Variants in ELMO1 observed in about 807,000 individuals in gnomAD.
The protein encoded by ELMO1 is engulfment and cell motility protein 1.
In ELMO1, 26 loss-of-function variants were observed where a neutral mutation model predicts 98.9. The observed-to-expected ratio is 0.26, with a 90% CI of 0.19 to 0.36. The LOEUF (loss-of-function observed/expected upper bound fraction) is 0.36, where lower values mean the gene tolerates loss of function less well. ELMO1 is among the 10% of genes least tolerant of loss of function. ELMO1 has a pLI of 1.00. For missense variants in ELMO1, 627 were observed against 935.2 expected (o/e 0.67, Z 4.30); for synonymous variants, 346 against 346.0 (o/e 1.00, Z 0.00).
At chr7:37,399,350 AT>A (rs1803427922) in intron 1 of ELMO1, among the ~76,000 whole-genome samples, 1 of 152,054 alleles carries the variant, frequency 6.6e-6, no homozygotes, top group Non-Finnish European at 1.5e-5. Flanking sequence ...TTGTGTAAGG[AT>A]TTTCTGCCAG....
chr7:37,194,784 CAAAT>C (rs901314756), intron 13 of ELMO1, among the ~76,000 whole-genome samples: 2 of 152,202 alleles, frequency 1.3e-5, no homozygotes, highest in Admixed American at 6.5e-5. Flanking sequence ...ATGGAGTCCT[CAAAT>C]AAATTCTCCT....
intron 14 of ELMO1, 65 bp from the exon 15 acceptor site, chr7:37,096,792 C>T (rs1784385116): frequency 2.1e-6 from 3 of 1,416,184 alleles, no homozygotes; most frequent in Non-Finnish European, 3.0e-6. Context: ...AGAATATCAC[C>T]TTCATTCCAA....
chr7:37,169,832 C>T (rs1160401120), intron 13 of ELMO1, among the ~76,000 whole-genome samples: 1 of 152,128 alleles, frequency 6.6e-6, no homozygotes, highest in Non-Finnish European at 1.5e-5. Flanking sequence ...TGAACGTCCA[C>T]AATTCTCATC....
chr7:37,029,770 T>C (rs2129184775), intron 15 of ELMO1, among the ~76,000 whole-genome samples: 1 of 152,300 alleles, frequency 6.6e-6, no homozygotes, highest in Non-Finnish European at 1.5e-5. Flanking sequence ...AAAACATTCT[T>C]TTTTTATTCC....
intron 14 of ELMO1, among the ~76,000 whole-genome samples, chr7:37,106,435 G>A (rs1204740692): frequency 6.6e-6 from 1 of 152,094 alleles, no homozygotes; most frequent in Non-Finnish European, 1.5e-5. Context: ...TCCAGAGGAT[G>A]CAGCGCCAAG....
chr7:37,266,805 G>C (rs1796262905), intron 5 of ELMO1, among the ~76,000 whole-genome samples: 1 of 152,092 alleles, frequency 6.6e-6, no homozygotes, highest in African/African-American at 2.4e-5. Flanking sequence ...TTGAGGTCAA[G>C]AATTCGAGAC....
intron 1 of ELMO1, among the ~76,000 whole-genome samples, chr7:37,346,030 G>T (rs1442024720): frequency 3.3e-5 from 5 of 151,884 alleles, no homozygotes; most frequent in Admixed American, 2.6e-4. Context: ...TGAGGATGGG[G>T]CCCCTGTGGA....
rs531603754 is a variant in ELMO1, at chr7:37,054,414, T to C, written c.1301-40979A>G. ...AAGACATGGCCTGTATTTTCAAAGATCTTGGAAGAATGGGAGATTGGTTAT... is the reference window on the plus strand; with the variant it reads ...AAGACATGGCCTGTATTTTCAAAGACCTTGGAAGAATGGGAGATTGGTTAT... On this transcript the variant is annotated intron_variant, in intron 15 of 21. Coordinates refer to ENST00000310758, the MANE Select transcript of ELMO1 (RefSeq NM_014800.11). Among the ~76,000 whole-genome samples, 285 of 152,240 alleles carry C rather than the reference T, an allele frequency of 1.9e-3. 1 individual carries two copies. The highest frequency in any genetic ancestry group is 2.3e-3 in the Non-Finnish European group (154 of 68,010).
chr7:37,191,385 C>T (rs920937000), intron 13 of ELMO1, among the ~76,000 whole-genome samples: 1 of 151,638 alleles, frequency 6.6e-6, no homozygotes, highest in Admixed American at 6.6e-5. Context: ...AAAAATCTAC[C>T]TCATGGAAAC....
intron 1 of ELMO1, among the ~76,000 whole-genome samples, chr7:37,414,168 T>A (rs1045212690): frequency 1.5e-5 from 2 of 131,520 alleles, no homozygotes; most frequent in African/African-American, 5.0e-5. Context: ...ATTCATTCCA[T>A]TCATTTTCCA....
At chr7:37,013,548 G>T in intron 15 of ELMO1, 113 bp from the exon 16 acceptor site, 2 of 1,261,288 alleles carry the variant, frequency 1.6e-6, no homozygotes. Context: ...TTTGGTTCAG[G>T]CAATAATGGT....
In ELMO1 at chr7:37,425,200, G is replaced by A. The variant is rs1583739340; in HGVS notation, c.-74+23475C>T. Reference sequence around the variant, plus strand: ...AAATGTGAGATCAGGGTGCCAGCAGGGTTGGGTTCTGGTGAGGGTGCTCTT... The same window carrying A: ...AAATGTGAGATCAGGGTGCCAGCAGAGTTGGGTTCTGGTGAGGGTGCTCTT... On this transcript the variant is annotated intron_variant, in intron 1 of 21. Coordinates refer to ENST00000310758, the MANE Select transcript of ELMO1 (RefSeq NM_014800.11). 2.0e-5 allele frequency among the ~76,000 whole-genome samples: 3 copies of A among 152,264 alleles called. No homozygotes were observed. The South Asian group carries it at 6.2e-4, about 32-fold the overall frequency.
At chr7:36,861,533 A>G in intron 21 of ELMO1, 126 bp downstream of exon 21, 1 of 1,079,226 alleles carries the variant, frequency 9.3e-7, no homozygotes, top group African/African-American at 1.6e-5. Flanking sequence ...CCTCCAAGTC[A>G]GCAAGATGCC....
chr7:37,051,315 T>A (rs976736590), intron 15 of ELMO1, among the ~76,000 whole-genome samples: 12 of 152,306 alleles, frequency 7.9e-5, no homozygotes, highest in Middle Eastern at 3.4e-3. Context: ...GATAAAAAGG[T>A]TTTAAACTAT....
intron 14 of ELMO1, among the ~76,000 whole-genome samples, chr7:37,124,053 C>T (rs936330949): frequency 6.6e-6 from 1 of 152,128 alleles, no homozygotes; most frequent in Middle Eastern, 3.2e-3. Flanking sequence ...ATTACCTCAA[C>T]AGATGCAGAA....
intron 17 of ELMO1, among the ~76,000 whole-genome samples, chr7:36,889,882 CTCTT>C (rs1377054697): frequency 1.3e-5 from 2 of 152,270 alleles, no homozygotes; most frequent in Admixed American, 6.5e-5. Flanking sequence ...AATGAGACAG[CTCTT>C]TCTTTCTTTC....
chr7:37,074,113 A>C lies in ELMO1; in HGVS notation c.1300+22506T>G, dbSNP rs190398510. ...ATATAGTATGCAAAAATATATATTT[A>C]AGTATATAAATATATTTATATATCA... On this transcript the variant is annotated intron_variant, in intron 15 of 21. Coordinates refer to ENST00000310758, the MANE Select transcript of ELMO1 (RefSeq NM_014800.11). Among the ~76,000 whole-genome samples, 1,298 of 148,222 alleles carry C rather than the reference A, an allele frequency of 8.8e-3. 6 individuals carry two copies. Among genetic ancestry groups the C allele is most frequent in the Middle Eastern group, 0.014 (4 of 280 alleles).
intron 3 of ELMO1, 112 bp downstream of exon 3, chr7:37,315,808 G>T: frequency 1.1e-6 from 1 of 943,228 alleles, no homozygotes; most frequent in Non-Finnish European, 1.6e-6. Context: ...TTGACTTTGA[G>T]CAAGTCAGTG....
In ELMO1 at chr7:37,375,561, C is replaced by T. The variant is rs1489793355; in HGVS notation, c.-73-32798G>A. 4 of 1,086,136 alleles carry T rather than the reference C, an allele frequency of 3.7e-6. No individual in the cohort carries two copies. In the African/African-American group the frequency reaches 6.1e-5, roughly 17 times the overall value. 67.3% of individuals were successfully genotyped at this position (1,086,136 alleles called of 1,614,324 possible). ...GAAGAACCAGATTGCCATTTATAAA[C>T]TCCTTTTTAAGGAGGGAGTCATGGT... is the stretch of plus-strand genomic sequence containing the variant. On this transcript the variant is annotated intron_variant, in intron 1 of 21. Transcript: ENST00000310758.
Sources: allele counts gnomAD v4.1 joint callset (sites outside exome capture counted in the v4.1 genomes callset), GRCh38; gene constraint gnomAD v4.1.1; transcripts MANE v1.5; gene names NCBI Gene and HGNC (gene_info 2026-07-23, HGNC 2026-07-21).